PRKACB: variants seen among roughly 807,000 people sequenced by gnomAD.
PRKACB encodes cAMP-dependent protein kinase catalytic subunit beta.
A neutral mutation model predicts 51.4 loss-of-function variants in PRKACB; 16 were observed. The observed-to-expected ratio is 0.31, with a 90% CI of 0.21 to 0.47. PRKACB has a LOEUF of 0.47. Among genes scored for constraint, PRKACB ranks in the 20% least tolerant of loss-of-function variants. PRKACB has a pLI of 1.00. For synonymous variants in PRKACB, 147 were observed against 154.4 expected, an observed-to-expected ratio of 0.95 and a Z score of 0.35; for missense variants, 309 against 464.5, an observed-to-expected ratio of 0.67 and a Z score of 3.08.
chr1:84,188,863 C>A (rs1290380778), intron 5 of PRKACB, among the ~76,000 whole-genome samples: 1 of 151,634 alleles, frequency 6.6e-6, no homozygotes, highest in African/African-American at 2.4e-5. Flanking sequence ...GACTTAAAAC[C>A]CTTGGTCAAA....
chr1:84,164,787 C>A (rs780665065), intron 1 of PRKACB: 266 of 1,380,686 alleles, frequency 1.9e-4, no homozygotes, highest in Non-Finnish European at 2.3e-4. Context: ...TGGCATTAAT[C>A]TGATGTTTAC....
chr1:84,131,057 T>C (rs1315164947), intron 1 of PRKACB, among the ~76,000 whole-genome samples: 1 of 152,078 alleles, frequency 6.6e-6, no homozygotes. Flanking sequence ...ACCCATGAAG[T>C]GATAAAATTT....
At chr1:84,197,141 A>G (rs191839987) in intron 6 of PRKACB, among the ~76,000 whole-genome samples, 2 of 152,292 alleles carry the variant, frequency 1.3e-5, no homozygotes, top group East Asian at 1.9e-4. Context: ...CATTTAGCCA[A>G]TAAATGGTAG....
At chr1:84,123,004 C>A (rs529914612) in intron 1 of PRKACB, among the ~76,000 whole-genome samples, 1 of 152,180 alleles carries the variant, frequency 6.6e-6, no homozygotes, top group Middle Eastern at 3.4e-3. Flanking sequence ...TGGCTGACTC[C>A]GTAGCTTATA....
Position 84,195,711 on chromosome 1 carries a change from G to A in PRKACB, c.561-905G>A, listed in dbSNP as rs189174702. Among the ~76,000 whole-genome samples the A allele has an allele frequency of 6.7e-4, 102 of 152,046 alleles. 2 individuals carry two copies. In the East Asian group the frequency reaches 0.014, roughly 21 times the overall value. On this transcript the variant is annotated intron_variant, in intron 5 of 9. Transcript: ENST00000370685. ...GTGGATCATTTGAGGTCAGGTATTCGAGACCAGCCTGGCCAACATGGTGAA... is the reference window on the plus strand; with the variant it reads ...GTGGATCATTTGAGGTCAGGTATTCAAGACCAGCCTGGCCAACATGGTGAA...
chr1:84,158,997 T>C (rs1250822285), intron 1 of PRKACB, among the ~76,000 whole-genome samples: 3 of 152,172 alleles, frequency 2.0e-5, no homozygotes, highest in African/African-American at 4.8e-5. Flanking sequence ...GAACTACATG[T>C]CTGTCCTCAT....
chr1:84,215,623 C>T (rs2101588751), intron 9 of PRKACB, among the ~76,000 whole-genome samples: 1 of 152,260 alleles, frequency 6.6e-6, no homozygotes, highest in Non-Finnish European at 1.5e-5. Flanking sequence ...CCCAGCTAAA[C>T]TGTAGCATAT....
intron 1 of PRKACB, among the ~76,000 whole-genome samples, chr1:84,136,373 C>T (rs907501871): frequency 6.6e-6 from 1 of 151,884 alleles, no homozygotes; most frequent in Admixed American, 6.6e-5. Context: ...TCTGAATAGC[C>T]ATCTTATTAA....
chr1:84,136,645 T>C (rs1000493673), intron 1 of PRKACB, among the ~76,000 whole-genome samples: 15 of 152,100 alleles, frequency 9.9e-5, no homozygotes, highest in African/African-American at 2.9e-4. Context: ...AAATTAAATA[T>C]AGTTTTACCA....
At chr1:84,091,280 T>C (rs1648449498) in intron 1 of PRKACB, among the ~76,000 whole-genome samples, 1 of 152,198 alleles carries the variant, frequency 6.6e-6, no homozygotes, top group African/African-American at 2.4e-5. Flanking sequence ...TTAATCAGCT[T>C]TTAGAATATA....
intron 1 of PRKACB, among the ~76,000 whole-genome samples, chr1:84,146,350 A>C (rs1654076150): frequency 6.6e-6 from 1 of 151,980 alleles, no homozygotes; most frequent in Admixed American, 6.6e-5. Context: ...TTTATGTCTA[A>C]GGATGAGTAT....
intron 8 of PRKACB, among the ~76,000 whole-genome samples, chr1:84,213,333 A>T (rs41301174): frequency 0.029 from 4,415 of 152,236 alleles, 237 homozygotes; most frequent in African/African-American, 0.1. Context: ...TTTTTTAGGT[A>T]CCCATATCAA....
chr1:84,221,371 T>G (rs1191682800), intron 9 of PRKACB, among the ~76,000 whole-genome samples: 1 of 152,008 alleles, frequency 6.6e-6, no homozygotes, highest in African/African-American at 2.4e-5. Context: ...TTTATCAATT[T>G]TGGTTATTTT....
intron 9 of PRKACB, among the ~76,000 whole-genome samples, chr1:84,233,408 C>T (rs1177296078): frequency 2.9e-5 from 4 of 136,542 alleles, no homozygotes; most frequent in African/African-American, 1.1e-4. Context: ...TTGCTCTTCT[C>T]GAGGAGTATC....
intron 1 of PRKACB, among the ~76,000 whole-genome samples, chr1:84,163,484 A>G (rs1341169731): frequency 2.6e-5 from 4 of 151,958 alleles, no homozygotes; most frequent in African/African-American, 9.6e-5. Context: ...CCTCCACTTC[A>G]AATCAAATCA....
At chr1:84,164,850 T>A in intron 1 of PRKACB, 4 of 1,382,838 alleles carry the variant, frequency 2.9e-6, no homozygotes, top group Non-Finnish European at 2.8e-6. Flanking sequence ...GCTTCTCTTT[T>A]TAAAACAAAA....
At position 84,101,247 on chromosome 1, in the gene PRKACB, C is replaced by T. The variant is rs145831032; in HGVS notation, c.46+22876C>T. 2.9e-3 allele frequency among the ~76,000 whole-genome samples: 446 copies of T among 152,272 alleles called. 3 individuals carry two copies. Among genetic ancestry groups the T allele is most frequent in the Non-Finnish European group, 4.9e-3 (333 of 68,014 alleles). The stretch of plus-strand genomic sequence containing the variant: ...CTGTACTTTACAGGCTGAGTTTCTT[C>T]TTCTGGGAAGCTTCAGTTCTGCTCT... On this transcript the variant is annotated intron_variant, in intron 1 of 8. Coordinates refer to the PRKACB transcript ENST00000370688.
At chr1:84,223,367 TTTGTTTTTTTG>T (rs1382830282) in intron 9 of PRKACB, among the ~76,000 whole-genome samples, 1 of 52,372 alleles carries the variant, frequency 1.9e-5, no homozygotes, top group East Asian at 6.7e-4. Context: ...GTTGTTTTTT[TTTGTTTTTTTG>T]TTTTTTTTGA....
upstream of PRKACB, chr1:84,078,079 ACTG>A: frequency 5.4e-6 from 2 of 373,266 alleles, no homozygotes; most frequent in Middle Eastern, 6.9e-4. Flanking sequence ...CGCCGCCGCC[ACTG>A]CTGCTGCCAC....
Sources: allele counts gnomAD v4.1 joint callset (sites outside exome capture counted in the v4.1 genomes callset), GRCh38; gene constraint gnomAD v4.1.1; transcripts MANE v1.5; gene names NCBI Gene and HGNC (gene_info 2026-07-23, HGNC 2026-07-21).